The following UBR3 variants were observed in gnomAD, a reference collection of about 807,000 sequenced individuals.
The protein encoded by UBR3 is E3 ubiquitin-protein ligase UBR3.
In UBR3, 85 loss-of-function variants were observed where a neutral mutation model predicts 243.2. The ratio of observed to expected loss-of-function variants is 0.35; its 90% CI spans 0.29 to 0.42. The LOEUF is 0.42. UBR3 is among the 10% of genes least tolerant of loss of function. The pLI is 1.00. For missense variants in UBR3, 1,686 were observed against 2,300.8 expected, an observed-to-expected ratio of 0.73 and a Z score of 5.47; for synonymous variants, 748 against 799.8, an observed-to-expected ratio of 0.94 and a Z score of 1.09.
rs146969580 is a variant in UBR3 at position 170,032,463 on chromosome 2, A to G, written c.4556+3015A>G. ...TCAGATTTTGCCAGTTGTTGCAGTA[A>G]AGTACTGTGTAACAACAACAACAAA... On this transcript the variant is annotated intron_variant, in intron 31 of 38. Transcript: ENST00000272793. Among the ~76,000 whole-genome samples, 538 of 152,110 alleles carry G rather than the reference A, an allele frequency of 3.5e-3. 2 individuals carry two copies. The highest frequency in any genetic ancestry group is 5.5e-3 in the Non-Finnish European group (376 of 67,948).
chr2:169,958,871 G>A (rs1488760835), intron 24 of UBR3, among the ~76,000 whole-genome samples: 1 of 152,104 alleles, frequency 6.6e-6, no homozygotes, highest in Non-Finnish European at 1.5e-5. Context: ...CCTTAAAATA[G>A]TTTCAAATGC....
At chr2:169,919,933 C>A (rs1421441582) in intron 11 of UBR3, among the ~76,000 whole-genome samples, 1 of 152,064 alleles carries the variant, frequency 6.6e-6, no homozygotes, top group Non-Finnish European at 1.5e-5. Context: ...CTAGAAATAC[C>A]ATTTGACCCA....
chr2:169,894,777 T>C (rs2084517961), intron 6 of UBR3, among the ~76,000 whole-genome samples: 1 of 152,208 alleles, frequency 6.6e-6, no homozygotes, highest in Admixed American at 6.5e-5. Flanking sequence ...CCTGAGGATT[T>C]TGATGCGTGT....
chr2:169,976,678 T>C lies in UBR3; in HGVS notation c.3635-9967T>C, dbSNP rs190667344. On this transcript the variant is annotated intron_variant, in intron 24 of 38. Transcript: ENST00000272793. ...GTAACTTGATGCTTTTCTCTTGCTG[T>C]TTTTAGAATTGTCTCTGTCTTTCAC... 2.0e-3 allele frequency among the ~76,000 whole-genome samples: 306 copies of C among 152,292 alleles called. 1 individual carries two copies. The highest frequency in any genetic ancestry group is 7.1e-3 in the African/African-American group (297 of 41,572).
intron 20 of UBR3, among the ~76,000 whole-genome samples, chr2:169,944,897 G>A (rs1047022801): frequency 3.3e-5 from 5 of 152,080 alleles, no homozygotes; most frequent in Non-Finnish European, 7.4e-5. Context: ...CTAGCTAGCT[G>A]GTTGTGTGGC....
chr2:170,002,143 C>G (rs1559175460), intron 27 of UBR3, among the ~76,000 whole-genome samples: 1 of 151,916 alleles, frequency 6.6e-6, no homozygotes, highest in Admixed American at 6.6e-5. Context: ...GAATTTTTTC[C>G]TAGTGTATTA....
intron 32 of UBR3, among the ~76,000 whole-genome samples, chr2:170,046,823 C>T (rs1380097036): frequency 6.6e-6 from 1 of 151,516 alleles, no homozygotes; most frequent in Non-Finnish European, 1.5e-5. Flanking sequence ...TTTTTTTTAG[C>T]ATTCTCCAAA....
intron 21 of UBR3, among the ~76,000 whole-genome samples, chr2:169,947,022 C>T (rs996045074): frequency 1.3e-5 from 2 of 152,046 alleles, no homozygotes; most frequent in African/African-American, 4.8e-5. Context: ...TCATCTCTTC[C>T]CTCCTAAATG....
rs746474897 is a variant in UBR3 at position 170,029,396 on chromosome 2, T to C, written c.4504T>C (p.Ser1502Pro). 1 of 1,611,932 alleles carries C rather than the reference T, an allele frequency of 6.2e-7. No homozygotes were observed. The highest frequency in any genetic ancestry group is 8.5e-7 in the Non-Finnish European group (1 of 1,178,782). The change falls in exon 31 of 39, where the codon TCT becomes CCT. Residue 1502 changes from serine to proline, a missense_variant. Physicochemically the swap from Ser to Pro is moderately conservative, Grantham distance 74. Coordinates refer to ENST00000272793, the MANE Select transcript of UBR3 (RefSeq NM_172070.4). ...GCACATGCGGCTTTATAGCATTGAC[T>C]CTGAGTATAATCCCTGGAGAAAGCT... ...ALHMRLYSID[S>P]EYNPWRKLTQ...
intron 1 of UBR3, among the ~76,000 whole-genome samples, chr2:169,836,075 T>A (rs1205378328): frequency 0.035 from 2,595 of 74,126 alleles, 149 homozygotes; most frequent in Non-Finnish European, 0.051. Context: ...ATATTTTTTT[T>A]TTTTTTTTTT....
chr2:169,990,111 C>T (rs887455019), intron 25 of UBR3, among the ~76,000 whole-genome samples: 2 of 152,112 alleles, frequency 1.3e-5, no homozygotes, highest in African/African-American at 4.8e-5. Flanking sequence ...TTCACTGATA[C>T]TTTATTGCCA....
chr2:169,852,488 G>T (rs2082688957), intron 1 of UBR3, among the ~76,000 whole-genome samples: 1 of 152,124 alleles, frequency 6.6e-6, no homozygotes, highest in Non-Finnish European at 1.5e-5. Flanking sequence ...TACAAAAACA[G>T]AATTGAGTAA....
intron 24 of UBR3, among the ~76,000 whole-genome samples, chr2:169,982,649 T>A (rs1391051961): frequency 6.6e-6 from 1 of 152,108 alleles, no homozygotes; most frequent in Non-Finnish European, 1.5e-5. Flanking sequence ...TAGAAAATAT[T>A]CCAGACGGAA....
At chr2:170,026,100 T>A (rs73975021) in intron 30 of UBR3, among the ~76,000 whole-genome samples, 3 of 151,874 alleles carry the variant, frequency 2.0e-5, no homozygotes, top group African/African-American at 7.3e-5. Context: ...TCCTTTTTTT[T>A]AATGAGAAAT....
At chr2:169,917,437 G>A (rs1435601253) in intron 11 of UBR3, among the ~76,000 whole-genome samples, 1 of 152,092 alleles carries the variant, frequency 6.6e-6, no homozygotes, top group African/African-American at 2.4e-5. Context: ...GCATCAGTAA[G>A]ACAACAGTAA....
At chr2:169,934,610 G>A (rs1328616249) in intron 19 of UBR3, among the ~76,000 whole-genome samples, 3 of 152,136 alleles carry the variant, frequency 2.0e-5, no homozygotes, top group Non-Finnish European at 4.4e-5. Context: ...TGATTATACT[G>A]GGAGGGATCT....
intron 5 of UBR3, among the ~76,000 whole-genome samples, chr2:169,890,538 G>GATATATATATATATATATATAT (rs1238478825): frequency 1.3e-5 from 1 of 77,576 alleles, no homozygotes; most frequent in African/African-American, 6.2e-5. Context: ...GAGAGAGAGA[G>GATATATATATATATATATATAT]AGATATATAT....
chr2:170,058,030 G>A (rs2091375399), intron 33 of UBR3, among the ~76,000 whole-genome samples: 2 of 152,022 alleles, frequency 1.3e-5, no homozygotes, highest in African/African-American at 4.8e-5. Flanking sequence ...TTTCCAAGGG[G>A]TGGTTCCTGG....
chr2:170,077,155 G>A, intron 36 of UBR3: 1 of 580,882 alleles, frequency 1.7e-6, no homozygotes, highest in Non-Finnish European at 3.4e-6. Context: ...GTAGTATTCA[G>A]AAACATCACA....
Sources: gnomAD v4.1 joint callset for allele counts (sites outside exome capture counted in the v4.1 genomes callset) on GRCh38, gnomAD v4.1.1 for gene constraint, MANE v1.5 for transcripts, NCBI Gene and HGNC (gene_info 2026-07-23, HGNC 2026-07-21) for gene names.